GLYR1: variants seen among roughly 807,000 people sequenced by gnomAD.
GLYR1 encodes the protein glyoxylate reductase 1 homolog.
A neutral mutation model predicts 72.7 loss-of-function variants in GLYR1; 21 were observed. The observed-to-expected ratio is 0.29, with a 90% CI of 0.20 to 0.42. GLYR1 has a LOEUF of 0.42. Ranked by LOEUF, GLYR1 falls within the 10% of genes least tolerant of loss-of-function variation. The pLI is 1.00. For synonymous variants in GLYR1, 392 were observed against 270.2 expected (o/e 1.45, Z -4.42); for missense variants, 594 against 712.1 (o/e 0.83, Z 1.89).
chr16:4,826,819 G>T (rs775931898), intron 5 of GLYR1, among the ~76,000 whole-genome samples: 1 of 152,038 alleles, frequency 6.6e-6, no homozygotes. Flanking sequence ...ATTGTGGCTG[G>T]GGCAGCACAG....
intron 5 of GLYR1, among the ~76,000 whole-genome samples, chr16:4,831,146 T>C (rs1457721873): frequency 6.6e-6 from 1 of 152,220 alleles, no homozygotes; most frequent in Non-Finnish European, 1.5e-5. Context: ...TTTTTCTCAT[T>C]CATCCTCTAT....
intron 6 of GLYR1, 36 bp downstream of exon 6, chr16:4,823,785 G>A (rs1199584164): frequency 4.0e-6 from 6 of 1,483,960 alleles, no homozygotes; most frequent in Middle Eastern, 1.8e-4. Flanking sequence ...CTCGCCCTAA[G>A]CCACAGCTTG....
intron 12 of GLYR1, among the ~76,000 whole-genome samples, chr16:4,812,471 C>T (rs942663517): frequency 2.0e-5 from 3 of 152,092 alleles, no homozygotes; most frequent in African/African-American, 4.8e-5. Flanking sequence ...CTGGGGTCTC[C>T]ACACAGGAAC....
intron 15 of GLYR1, among the ~76,000 whole-genome samples, chr16:4,806,441 C>T (rs186039424): frequency 2.6e-4 from 40 of 151,522 alleles, no homozygotes; most frequent in African/African-American, 5.1e-4. Flanking sequence ...ATTGCAGCCT[C>T]GAACTCCTGG....
intron 15 of GLYR1, among the ~76,000 whole-genome samples, 189 bp from the exon 16 acceptor site, chr16:4,805,499 G>C (rs78549400): frequency 6.6e-6 from 1 of 152,204 alleles, no homozygotes; most frequent in African/African-American, 2.4e-5. Context: ...TGTGCTTCTT[G>C]CTCTGGGAGA....
At chr16:4,833,361 C>A (rs1261584446) in intron 3 of GLYR1, among the ~76,000 whole-genome samples, 1 of 152,192 alleles carries the variant, frequency 6.6e-6, no homozygotes, top group Non-Finnish European at 1.5e-5. Context: ...AGCAGCATTA[C>A]TATGCAGGAA....
intron 13 of GLYR1, 132 bp downstream of exon 13, chr16:4,811,954 G>T: frequency 7.0e-7 from 1 of 1,421,938 alleles, no homozygotes; most frequent in Non-Finnish European, 9.5e-7. Context: ...TCCACGCACT[G>T]ACTATGCAGG....
rs1459168005 is a variant in GLYR1, at chr16:4,811,266, A to G, written c.1491T>C (p.Asp497=). The change falls in exon 15 of 16, where the codon GAT becomes GAC. Residue 497 remains aspartate, a synonymous_variant. Coordinates refer to ENST00000321919, the MANE Select transcript of GLYR1 (RefSeq NM_032569.4). The stretch of plus-strand genomic sequence containing the variant: ...CCTTCTGAATGTATTTCAGGTAGAA[A>G]TCAGGCTTAAAGTTTCCTTGCAGGA... ...QNILQGNFKP[D]FYLKYIQKDL... The G allele has an allele frequency of 1.2e-6, 2 of 1,614,194 alleles. No individual in the cohort carries two copies. Among genetic ancestry groups the G allele is most frequent in the Non-Finnish European group, 1.7e-6 (2 of 1,180,034 alleles).
chr16:4,844,997 A>C, intron 3 of GLYR1, 77 bp downstream of exon 3: 1 of 934,062 alleles, frequency 1.1e-6, no homozygotes, highest in Non-Finnish European at 1.7e-6. Context: ...GGATCCTTAG[A>C]ATATTTTCAA....
intron 15 of GLYR1, among the ~76,000 whole-genome samples, chr16:4,809,039 G>A (rs867849978): frequency 6.6e-6 from 1 of 151,908 alleles, no homozygotes; most frequent in Non-Finnish European, 1.5e-5. Context: ...CTAATTAAAA[G>A]GCAGATACTG....
intron 3 of GLYR1, among the ~76,000 whole-genome samples, chr16:4,834,256 T>C (rs934990773): frequency 2.2e-4 from 33 of 150,698 alleles, no homozygotes; most frequent in Non-Finnish European, 4.3e-4. Flanking sequence ...GAAGCTGGTC[T>C]CCCTGGCACA....
In GLYR1 at chr16:4,838,711, C is replaced by G. The variant is rs112486076; in HGVS notation, c.156-5799G>C. ...ACGCCATTCTCCTGCCTCAGCCACCCGAGTAGCTGGGACTACAGGTGCCCG... is the reference window on the plus strand; with the variant it reads ...ACGCCATTCTCCTGCCTCAGCCACCGGAGTAGCTGGGACTACAGGTGCCCG... On this transcript the variant is annotated intron_variant, in intron 3 of 15. Transcript: ENST00000321919. Among the ~76,000 whole-genome samples the G allele has an allele frequency of 1.0e-3, 154 of 151,982 alleles. 1 individual carries two copies. Among genetic ancestry groups the G allele is most frequent in the African/African-American group, 3.5e-3 (145 of 41,450 alleles).
intron 15 of GLYR1, among the ~76,000 whole-genome samples, chr16:4,808,859 G>A (rs534696059): frequency 2.6e-4 from 40 of 151,962 alleles, no homozygotes; most frequent in Admixed American, 1.8e-3. Flanking sequence ...CCAGCTACTC[G>A]GGAGGCTGAG....
In GLYR1 at chr16:4,832,891, C is replaced by G; in HGVS notation, c.177G>C (p.Gln59His). The G allele has an allele frequency of 6.2e-7, 1 of 1,612,614 alleles. No homozygotes were observed. Among genetic ancestry groups the G allele is most frequent in the Non-Finnish European group, 8.5e-7 (1 of 1,179,366 alleles). ...TEDHAWIKVE[Q>H]LKPYHAHKEE... Reference sequence around the variant, plus strand: ...CTTTATGAGCATGATATGGCTTCAGCTGTTCCACTTTGATCCAGGCACTAG... The same window carrying G: ...CTTTATGAGCATGATATGGCTTCAGGTGTTCCACTTTGATCCAGGCACTAG... The change falls in exon 4 of 16, where the codon CAG becomes CAC. Residue 59 changes from glutamine to histidine, a missense_variant. This residue lies in a region of GLYR1 where 62 missense variants were observed against 82.5 expected (regional missense o/e 0.75). Transcript: ENST00000321919.
chr16:4,843,230 G>A (rs540188928), intron 3 of GLYR1, among the ~76,000 whole-genome samples: 71 of 152,162 alleles, frequency 4.7e-4, no homozygotes, highest in African/African-American at 1.6e-3. Flanking sequence ...GCAGGGTCTC[G>A]AACAATCTCT....
At chr16:4,837,895 C>A (rs1418431351) in intron 3 of GLYR1, among the ~76,000 whole-genome samples, 1 of 151,656 alleles carries the variant, frequency 6.6e-6, no homozygotes, top group Non-Finnish European at 1.5e-5. Flanking sequence ...CGTGCCACTG[C>A]ATTCCAGCCT....
At chr16:4,837,715 C>T (rs1035052092) in intron 3 of GLYR1, among the ~76,000 whole-genome samples, 8 of 151,686 alleles carry the variant, frequency 5.3e-5, no homozygotes, top group Admixed American at 3.9e-4. Flanking sequence ...TTTGGGAGGC[C>T]GAGGTCAAGA....
chr16:4,822,497 TC>T (rs2084100882), intron 7 of GLYR1, among the ~76,000 whole-genome samples: 1 of 151,094 alleles, frequency 6.6e-6, no homozygotes, highest in African/African-American at 2.4e-5. Context: ...TTCAAGCAAT[TC>T]TCCTGCCTCA....
intron 10 of GLYR1, among the ~76,000 whole-genome samples, chr16:4,815,188 C>T (rs2083561197): frequency 6.6e-6 from 1 of 151,994 alleles, no homozygotes; most frequent in Non-Finnish European, 1.5e-5. Flanking sequence ...TCACTGCAGC[C>T]TCAACCTCCT....
Sources: gnomAD v4.1 joint callset for allele counts (sites outside exome capture counted in the v4.1 genomes callset) on GRCh38, gnomAD v4.1.1 for gene constraint, gnomAD v4.1.1 regional missense constraint, MANE v1.5 for transcripts, NCBI Gene and HGNC (gene_info 2026-07-23, HGNC 2026-07-21) for gene names.